The following CPNE8 variants were observed in gnomAD, a reference collection of about 807,000 sequenced individuals.
The protein encoded by CPNE8 is copine 8, also known as copine-8.
Under a neutral mutation model 81.5 loss-of-function variants are expected in CPNE8, and 45 were observed. The ratio of observed to expected loss-of-function variants is 0.55; its 90% CI spans 0.44 to 0.71. The LOEUF (loss-of-function observed/expected upper bound fraction) is 0.71. CPNE8 is among the 30% of genes least tolerant of loss of function. The pLI, the probability that CPNE8 is intolerant of heterozygous loss-of-function variation, is 0.00. For synonymous variants in CPNE8, 252 were observed against 226.3 expected (o/e 1.11, Z -1.02); for missense variants, 594 against 672.1 (o/e 0.88, Z 1.28).
chr12:38,698,947 G>A (rs1251493099), intron 14 of CPNE8, among the ~76,000 whole-genome samples: 1 of 152,068 alleles, frequency 6.6e-6, no homozygotes, highest in Non-Finnish European at 1.5e-5. Flanking sequence ...CTTTGATAAG[G>A]ATTGCTTTAA....
At chr12:38,863,522 A>C (rs1943871260) in intron 3 of CPNE8, among the ~76,000 whole-genome samples, 1 of 152,228 alleles carries the variant, frequency 6.6e-6, no homozygotes, top group African/African-American at 2.4e-5. Flanking sequence ...CAAAGAAGTA[A>C]ATTTATAGAT....
chr12:38,669,039 G>A (rs988561230), intron 19 of CPNE8, among the ~76,000 whole-genome samples: 2 of 133,366 alleles, frequency 1.5e-5, no homozygotes, highest in Admixed American at 8.4e-5. Context: ...GGGCAACAGC[G>A]AGACTCTGCC....
intron 6 of CPNE8, among the ~76,000 whole-genome samples, chr12:38,797,788 T>A (rs185036983): frequency 7.1e-4 from 108 of 152,186 alleles, no homozygotes; most frequent in African/African-American, 2.5e-3. Context: ...GGCAAAGAAG[T>A]TAAAAACTTT....
intron 1 of CPNE8, among the ~76,000 whole-genome samples, chr12:38,891,540 C>G (rs539745251): frequency 6.6e-6 from 1 of 151,820 alleles, no homozygotes; most frequent in Non-Finnish European, 1.5e-5. Context: ...CTCCACTTCC[C>G]AGGTTCAAGC....
intron 13 of CPNE8, among the ~76,000 whole-genome samples, chr12:38,711,152 T>A (rs1940246060): frequency 6.6e-6 from 1 of 152,214 alleles, no homozygotes; most frequent in Non-Finnish European, 1.5e-5. Context: ...TATTTAAAGT[T>A]GTTTTCCTAC....
chr12:38,786,449 C>G (rs1942189351), intron 6 of CPNE8, among the ~76,000 whole-genome samples: 1 of 152,130 alleles, frequency 6.6e-6, no homozygotes, highest in Admixed American at 6.5e-5. Context: ...CCTAACCTCC[C>G]AGCCTACATC....
rs11336431 is a variant in CPNE8, at chr12:38,881,209, C to CA, written c.99-6699dup. ...TGGCGGACACAGCGAGATTCCGTCT[C>CA]AAAAAAAAAAAAAAAAGAAATATTT... On this transcript the variant is annotated intron_variant, in intron 1 of 19. Coordinates refer to ENST00000331366, the MANE Select transcript of CPNE8 (RefSeq NM_153634.3). Among the ~76,000 whole-genome samples the CA allele has an allele frequency of 1.6e-3, 203 of 126,490 alleles. 1 individual carries two copies. Among genetic ancestry groups the CA allele is most frequent in the African/African-American group, 5.4e-3 (182 of 33,574 alleles). The allele number at this position is 126,490 out of a possible 152,430, so 83.0% of individuals were successfully genotyped here. A position where few individuals can be genotyped will look rare whatever the true frequency, so the allele number is the denominator to read the frequency against.
rs374283654 is a variant in CPNE8, at chr12:38,798,947, A to G, written c.408-22646T>C. 8.3e-4 allele frequency among the ~76,000 whole-genome samples: 126 copies of G among 152,342 alleles called. No individual in the cohort carries two copies. In the East Asian group the frequency reaches 9.1e-3, roughly 11 times the overall value. On this transcript the variant is annotated intron_variant, in intron 6 of 19. Coordinates refer to ENST00000331366, the MANE Select transcript of CPNE8 (RefSeq NM_153634.3). Reference sequence around the variant, plus strand: ...TAAACCAACAAAGATCAAAAGAGACAAAGAAGGCCATTACATAATGGTAAA... The same window carrying G: ...TAAACCAACAAAGATCAAAAGAGACGAAGAAGGCCATTACATAATGGTAAA...
At chr12:38,707,987 G>T (rs1033607562) in intron 13 of CPNE8, among the ~76,000 whole-genome samples, 1 of 152,136 alleles carries the variant, frequency 6.6e-6, no homozygotes, top group African/African-American at 2.4e-5. Context: ...GCTTTATATT[G>T]TTCAATGACA....
At chr12:38,870,665 A>G (rs931433582) in intron 3 of CPNE8, among the ~76,000 whole-genome samples, 15 of 152,104 alleles carry the variant, frequency 9.9e-5, no homozygotes, top group African/African-American at 3.6e-4. Flanking sequence ...TAGGGGAGAA[A>G]TAGCATTAGG....
At chr12:38,787,840 C>A (rs1592088431) in intron 6 of CPNE8, among the ~76,000 whole-genome samples, 1 of 151,388 alleles carries the variant, frequency 6.6e-6, no homozygotes, top group East Asian at 1.9e-4. Flanking sequence ...GTTAAGAAAT[C>A]TACAAGAAAT....
chr12:38,773,783 C>G (rs1361604897), intron 7 of CPNE8, among the ~76,000 whole-genome samples: 1 of 152,020 alleles, frequency 6.6e-6, no homozygotes, highest in Non-Finnish European at 1.5e-5. Flanking sequence ...TCTGAAGTAA[C>G]TATGAACATT....
At chr12:38,896,054 C>G (rs1944383989) in intron 1 of CPNE8, among the ~76,000 whole-genome samples, 1 of 152,068 alleles carries the variant, frequency 6.6e-6, no homozygotes, top group Admixed American at 6.6e-5. Flanking sequence ...TATACATTGT[C>G]TGACAAAGAG....
intron 4 of CPNE8, among the ~76,000 whole-genome samples, chr12:38,841,586 C>G (rs1056218750): frequency 1.3e-5 from 2 of 152,046 alleles, no homozygotes; most frequent in Non-Finnish European, 2.9e-5. Flanking sequence ...TAAAAACAAG[C>G]AAACAAACAG....
In CPNE8 at chr12:38,806,569, C is replaced by T. The variant is rs556607721; in HGVS notation, c.407+22810G>A. Among the ~76,000 whole-genome samples the T allele has an allele frequency of 7.3e-5, 11 of 149,946 alleles. 1 individual carries two copies. The highest frequency in any genetic ancestry group is 4.6e-4 in the Admixed American group (7 of 15,056). On this transcript the variant is annotated intron_variant, in intron 6 of 19. Transcript: ENST00000331366. ...ATTCAACAACCCTTCATGCTAAAAA[C>T]TCTCAATAAATTAGGTACTGATGGG...
chr12:38,818,174 G>A (rs191000481), intron 6 of CPNE8, among the ~76,000 whole-genome samples: 1 of 152,130 alleles, frequency 6.6e-6, no homozygotes, highest in African/African-American at 2.4e-5. Flanking sequence ...TGGGATGCAT[G>A]TGCAGAAAGT....
rs547512727 is a variant in CPNE8, at chr12:38,742,515, A to T, written c.723-12157T>A. Among the ~76,000 whole-genome samples the T allele has an allele frequency of 2.4e-5, 3 of 126,308 alleles. No homozygotes were observed. In the South Asian group the frequency reaches 8.7e-4, roughly 37 times the overall value. 82.9% of individuals were successfully genotyped at this position (126,308 alleles called of 152,430 possible). On this transcript the variant is annotated intron_variant, in intron 10 of 19. Transcript: ENST00000331366. ...GGATATAGGAAAGGGAACATCACACACTGGGTCCTGTTGTGGGGTGGAGGG... is the reference window on the plus strand; with the variant it reads ...GGATATAGGAAAGGGAACATCACACTCTGGGTCCTGTTGTGGGGTGGAGGG...
intron 18 of CPNE8, among the ~76,000 whole-genome samples, chr12:38,675,186 T>C (rs918913477): frequency 6.6e-6 from 1 of 152,208 alleles, no homozygotes; most frequent in Non-Finnish European, 1.5e-5. Flanking sequence ...TCCATTTTCA[T>C]TTTACTTTTC....
Position 38,760,838 on chromosome 12 carries a change from C to T in CPNE8, c.722+9G>A. 6 of 1,589,078 alleles carry T rather than the reference C, an allele frequency of 3.8e-6. No individual in the cohort carries two copies. The highest frequency in any genetic ancestry group is 5.1e-6 in the Non-Finnish European group (6 of 1,166,580). On this transcript the variant is annotated intron_variant, in intron 10 of 19. Transcript: ENST00000331366. ...CAGTTCAAGAGTAAGAAGATAAGAA[C>T]TGTCTTACCTTCCATCTCGGTCCCA... is the stretch of plus-strand genomic sequence containing the variant.
Sources: gnomAD v4.1 joint callset for allele counts (sites outside exome capture counted in the v4.1 genomes callset) on GRCh38, gnomAD v4.1.1 for gene constraint, MANE v1.5 for transcripts, NCBI Gene and HGNC (gene_info 2026-07-23, HGNC 2026-07-21) for gene names.